Variants in MYO15B observed in about 807,000 individuals in gnomAD.
MYO15B encodes the protein myosin XVB.
In MYO15B, 207 loss-of-function variants were observed where a neutral mutation model predicts 119.3. That is an observed-to-expected ratio of 1.73 (90% CI 1.55 to 1.95). The LOEUF (loss-of-function observed/expected upper bound fraction) is 1.95. Ranked by LOEUF, MYO15B falls within the 30% of genes most tolerant of loss-of-function variation. MYO15B has a pLI of 0.00. For synonymous variants in MYO15B, 966 were observed against 498.9 expected, an observed-to-expected ratio of 1.94 and a Z score of -12.48; for missense variants, 2,264 against 1,203.1, an observed-to-expected ratio of 1.88 and a Z score of -13.04.
At chr17:75,609,888 A>C (rs1426418994) in intron 21 of MYO15B, among the ~76,000 whole-genome samples, 2 of 150,972 alleles carry the variant, frequency 1.3e-5, no homozygotes, top group Non-Finnish European at 3.0e-5. Flanking sequence ...ACGGGGTTTC[A>C]CCATGTTGGC....
intron 21 of MYO15B, among the ~76,000 whole-genome samples, chr17:75,609,369 C>G (rs1301713291): frequency 6.7e-6 from 1 of 149,180 alleles, no homozygotes; most frequent in African/African-American, 2.5e-5. Flanking sequence ...GAGATGAGGT[C>G]TTGCTATGTT....
chr17:75,596,733 C>T (rs774175188), intron 13 of MYO15B, 35 bp from the exon 14 acceptor site: 1 of 687,762 alleles, frequency 1.5e-6, no homozygotes, highest in South Asian at 1.5e-5. Flanking sequence ...GTTATCCCTG[C>T]TCCTGCAAAA....
chr17:75,616,633 C>T (rs1568201937), exon 39 of MYO15B: 2 of 702,758 alleles, frequency 2.8e-6, no homozygotes, highest in Non-Finnish European at 2.6e-6. Flanking sequence ...CGGCCAAGGG[C>T]CATGGCCAAG....
At chr17:75,588,971 G>A (rs2056232029) in exon 1 of MYO15B, 4 of 398,140 alleles carry the variant, frequency 1.0e-5, no homozygotes, top group Middle Eastern at 1.3e-3. Flanking sequence ...CACCAGGTCG[G>A]AAAGGCGGTG....
chr17:75,608,086 GTC>G (rs1363888354), intron 21 of MYO15B, among the ~76,000 whole-genome samples: 1 of 152,092 alleles, frequency 6.6e-6, no homozygotes, highest in African/African-American at 2.4e-5. Context: ...TTGGAGAAAT[GTC>G]TGTTTCTCCT....
chr17:75,590,363 A>G, intron 1 of MYO15B, 120 bp downstream of exon 1: 1 of 397,732 alleles, frequency 2.5e-6, no homozygotes, highest in Non-Finnish European at 4.4e-6. Flanking sequence ...ATGGGCTTGA[A>G]CCCTCCTGGC....
At chr17:75,590,443 C>T in intron 1 of MYO15B, 183 bp from the exon 2 acceptor site, 1 of 396,868 alleles carries the variant, frequency 2.5e-6, no homozygotes, top group Non-Finnish European at 4.4e-6. Flanking sequence ...TACAAAGCTT[C>T]CTTCTGGGTC....
chr17:75,598,266 C>A (rs1382867890), intron 14 of MYO15B, among the ~76,000 whole-genome samples: 116 of 140,146 alleles, frequency 8.3e-4, no homozygotes, highest in Admixed American at 1.4e-3. Flanking sequence ...GACTCCGTCT[C>A]AAAAAAAAGA....
At chr17:75,620,734 C>T (rs1197214300) in intron 49 of MYO15B, 98 bp downstream of exon 49, 1 of 694,038 alleles carries the variant, frequency 1.4e-6, no homozygotes, top group East Asian at 2.7e-5. Flanking sequence ...TGCGGTGGGA[C>T]CACCCTGCTG....
At chr17:75,625,345 G>A (rs1035918205) in intron 60 of MYO15B, 107 bp downstream of exon 60, 3 of 640,518 alleles carry the variant, frequency 4.7e-6, no homozygotes, top group Admixed American at 2.3e-5. Flanking sequence ...GAGCAGCGGG[G>A]CCTGTGAACA....
exon 12 of MYO15B, chr17:75,594,856 G>A (rs768291037): frequency 2.4e-5 from 17 of 702,950 alleles, no homozygotes; most frequent in South Asian, 2.4e-4. Context: ...CCTGGCCAAG[G>A]CACTGTATTC....
chr17:75,626,362 G>C (rs1269931243), intron 63 of MYO15B, 45 bp from the exon 64 acceptor site: 1 of 702,780 alleles, frequency 1.4e-6, no homozygotes. Context: ...CAGAGGCGAG[G>C]GGCTGGCTGG....
exon 1 of MYO15B, chr17:75,590,068 G>A (rs2056337717): frequency 2.5e-6 from 1 of 399,056 alleles, no homozygotes. Flanking sequence ...GGGAGACCCG[G>A]GCCTCCGTGG....
chr17:75,608,156 T>A (rs1417895674), intron 21 of MYO15B, among the ~76,000 whole-genome samples: 1 of 152,172 alleles, frequency 6.6e-6, no homozygotes, highest in Non-Finnish European at 1.5e-5. Flanking sequence ...TCTCGCTCTG[T>A]CACCCAGGCT....
At chr17:75,592,750 G>T (rs1287249956) in exon 9 of MYO15B, 6 of 702,726 alleles carry the variant, frequency 8.5e-6, no homozygotes, top group Middle Eastern at 2.4e-4. Flanking sequence ...CACTGCAGGG[G>T]CTCGGCTTGT....
rs2058917174 is a variant in MYO15B at position 75,624,656 on chromosome 17, A to G, written c.8542+17A>G. 2.8e-6 allele frequency: 2 copies of G among 702,782 alleles called. No homozygotes were observed. The highest frequency in any genetic ancestry group is 5.2e-6 in the Non-Finnish European group (2 of 384,940). The allele number at this position is 702,782 out of a possible 1,614,324, so 43.5% of individuals were successfully genotyped here. A position where few individuals can be genotyped will look rare whatever the true frequency, so the allele number is the denominator to read the frequency against. Reference sequence around the variant, plus strand: ...AAGAGAAGAGTAAGCTTGGGGACGGAGCCTCACGGTGGGGCCACTCCCCTG... The same window carrying G: ...AAGAGAAGAGTAAGCTTGGGGACGGGGCCTCACGGTGGGGCCACTCCCCTG... On this transcript the variant is annotated intron_variant, in intron 58 of 63. Transcript: ENST00000645453.
chr17:75,601,359 C>A, intron 14 of MYO15B, 79 bp from the exon 15 acceptor site: 1 of 679,824 alleles, frequency 1.5e-6, no homozygotes, highest in South Asian at 1.6e-5. Flanking sequence ...AGGCAGTACT[C>A]GTGCTCACCG....
chr17:75,615,069 A>C, intron 33 of MYO15B, 27 bp downstream of exon 33: 3 of 699,200 alleles, frequency 4.3e-6, no homozygotes, highest in East Asian at 2.7e-5. Flanking sequence ...TTCCTCACCC[A>C]GGGCCTCCGG....
chr17:75,610,885 C>T lies in MYO15B; in HGVS notation c.4387-15C>T, dbSNP rs560020134. The T allele has an allele frequency of 2.8e-6, 2 of 702,970 alleles. No individual in the cohort carries two copies. The highest frequency in any genetic ancestry group is 2.6e-6 in the Non-Finnish European group (1 of 384,922). 43.5% of individuals were successfully genotyped at this position (702,970 alleles called of 1,614,324 possible). A position where few individuals can be genotyped will look rare whatever the true frequency, so the allele number is the denominator to read the frequency against. ...ACATGGGAGGCATCAGCTCTTCCCA[C>T]ATCTCTTCCAACAGCTTGGGCGTTG... On this transcript the variant is annotated splice_polypyrimidine_tract_variant and intron_variant, in intron 22 of 63. Transcript: ENST00000645453.
Sources: allele counts gnomAD v4.1 joint callset (sites outside exome capture counted in the v4.1 genomes callset), GRCh38; gene constraint gnomAD v4.1.1; transcripts MANE v1.5; gene names NCBI Gene and HGNC (gene_info 2026-07-23, HGNC 2026-07-21).